Variants in TENM3 observed in about 807,000 individuals in gnomAD.
The protein encoded by TENM3 is teneurin transmembrane protein 3, also known as teneurin-3.
In TENM3, 63 loss-of-function variants were observed where a neutral mutation model predicts 255.1. The ratio of observed to expected loss-of-function variants is 0.25; its 90% confidence interval spans 0.20 to 0.30. TENM3 has a LOEUF of 0.30. Ranked by LOEUF, TENM3 falls within the 10% of genes least tolerant of loss-of-function variation. The pLI, the probability that TENM3 is intolerant of heterozygous loss-of-function variation, is 1.00. For synonymous variants in TENM3, 1,306 were observed against 1,322.3 expected (o/e 0.99, Z 0.27); for missense variants, 2,929 against 3,461.1 (o/e 0.85, Z 3.86).
chr4:182,284,110 G>C (rs942326837), intron 1 of TENM3, among the ~76,000 whole-genome samples: 4 of 152,102 alleles, frequency 2.6e-5, no homozygotes, highest in African/African-American at 9.7e-5. Context: ...ACATGAGAGA[G>C]TTTAATTAAA....
At chr4:182,083,028 A>G in the TENM3 span, among the ~76,000 whole-genome samples, 30 of 152,338 alleles carry the variant, frequency 2.0e-4, no homozygotes, top group African/African-American at 7.0e-4. Context: ...AGTAGCTGGA[A>G]GGACTTTGGC....
At chr4:182,064,418 A>G in the TENM3 span, among the ~76,000 whole-genome samples, 1 of 152,156 alleles carries the variant, frequency 6.6e-6, no homozygotes, top group African/African-American at 2.4e-5. Flanking sequence ...CTCTACTAAA[A>G]ATACAAAAAA....
At chr4:181,459,082 G>A in the TENM3 span, among the ~76,000 whole-genome samples, 2 of 151,762 alleles carry the variant, frequency 1.3e-5, no homozygotes, top group Non-Finnish European at 2.9e-5. Context: ...AGTCTTTTCA[G>A]TTTTAGTCAC....
the TENM3 span, among the ~76,000 whole-genome samples, chr4:181,838,710 T>A: frequency 1.3e-5 from 2 of 152,178 alleles, no homozygotes; most frequent in Non-Finnish European, 2.9e-5. Flanking sequence ...CGTGTGAATC[T>A]AATATTTATA....
At chr4:182,694,888 T>C (rs1757280125) in intron 12 of TENM3, among the ~76,000 whole-genome samples, 1 of 152,220 alleles carries the variant, frequency 6.6e-6, no homozygotes, top group Admixed American at 6.5e-5. Context: ...TTATCTCAGA[T>C]AATGGTGAAA....
the TENM3 span, among the ~76,000 whole-genome samples, chr4:182,137,990 A>G: frequency 6.6e-6 from 1 of 152,364 alleles, no homozygotes; most frequent in East Asian, 1.9e-4. Context: ...ATATGTTTCT[A>G]TAAGTAGTAA....
chr4:182,487,615 C>G (rs1734885005), intron 3 of TENM3, among the ~76,000 whole-genome samples: 1 of 152,054 alleles, frequency 6.6e-6, no homozygotes, highest in African/African-American at 2.4e-5. Flanking sequence ...TTAGGCTACT[C>G]TGGCCAGTGC....
chr4:182,083,823 T>G, the TENM3 span, among the ~76,000 whole-genome samples: 1 of 152,096 alleles, frequency 6.6e-6, no homozygotes, highest in Non-Finnish European at 1.5e-5. Context: ...TTGAGAAGAG[T>G]TGGTCTCCAT....
chr4:181,835,613 G>A, the TENM3 span, among the ~76,000 whole-genome samples: 3 of 152,136 alleles, frequency 2.0e-5, no homozygotes, highest in Non-Finnish European at 2.9e-5. Context: ...GTTTTCCTGT[G>A]ATTCAGGAGA....
the TENM3 span, among the ~76,000 whole-genome samples, chr4:181,953,330 T>G: frequency 6.6e-6 from 1 of 152,086 alleles, no homozygotes; most frequent in Non-Finnish European, 1.5e-5. Flanking sequence ...CAAGGGACCA[T>G]ACTTCATCAC....
intron 19 of TENM3, among the ~76,000 whole-genome samples, chr4:182,746,154 C>A (rs1220603107): frequency 6.6e-6 from 1 of 152,178 alleles, no homozygotes; most frequent in Non-Finnish European, 1.5e-5. Context: ...GCAGAGGAGA[C>A]AAGGTATATA....
At chr4:182,119,737 T>C in the TENM3 span, among the ~76,000 whole-genome samples, 4 of 152,072 alleles carry the variant, frequency 2.6e-5, no homozygotes, top group African/African-American at 9.7e-5. Flanking sequence ...GATAGGGTCT[T>C]GCTCTGTCAT....
chr4:181,834,043 C>A, the TENM3 span, among the ~76,000 whole-genome samples: 1 of 151,580 alleles, frequency 6.6e-6, no homozygotes, highest in Non-Finnish European at 1.5e-5. Context: ...TTGTATTCTC[C>A]ATTGACGTGC....
At chr4:182,587,811 A>C (rs1229094429) in intron 3 of TENM3, among the ~76,000 whole-genome samples, 1 of 152,204 alleles carries the variant, frequency 6.6e-6, no homozygotes, top group Non-Finnish European at 1.5e-5. Context: ...AATAAATTTA[A>C]GTTGGATATA....
intron 3 of TENM3, among the ~76,000 whole-genome samples, chr4:182,464,075 A>G (rs1339575487): frequency 6.6e-6 from 1 of 152,226 alleles, no homozygotes; most frequent in Non-Finnish European, 1.5e-5. Context: ...TTATAAACAT[A>G]TATAATTGTT....
intron 1 of TENM3, among the ~76,000 whole-genome samples, chr4:182,175,050 A>G (rs971076470): frequency 2.0e-5 from 3 of 152,168 alleles, no homozygotes; most frequent in Non-Finnish European, 2.9e-5. Context: ...TGTGAGGATT[A>G]AATACGTCCA....
the TENM3 span, among the ~76,000 whole-genome samples, chr4:181,677,270 G>T: frequency 6.6e-6 from 1 of 151,786 alleles, no homozygotes; most frequent in African/African-American, 2.4e-5. Flanking sequence ...TTGATATCTT[G>T]CCATAGGCAC....
chr4:182,320,740 T>G (rs1172219388), intron 1 of TENM3, among the ~76,000 whole-genome samples: 1 of 152,208 alleles, frequency 6.6e-6, no homozygotes, highest in East Asian at 1.9e-4. Context: ...GCTCTGTCTT[T>G]GTAGCATGAA....
upstream of TENM3, chr4:182,142,480 G>A (rs1184459219): frequency 6.0e-6 from 1 of 167,230 alleles, no homozygotes; most frequent in East Asian, 1.9e-4. Context: ...GCTTTCCTAG[G>A]AGGCGTCGTC....
Sources: gnomAD v4.1 joint callset for allele counts (sites outside exome capture counted in the v4.1 genomes callset) on GRCh38, gnomAD v4.1.1 for gene constraint, MANE v1.5 for transcripts, NCBI Gene and HGNC (gene_info 2026-07-23, HGNC 2026-07-21) for gene names.